PACRG: variants seen among roughly 807,000 people sequenced by gnomAD.
The protein encoded by PACRG is parkin coregulated gene protein.
PACRG carries 29 observed loss-of-function variants against 29.7 expected under a neutral mutation model. The ratio of observed to expected loss-of-function variants is 0.98; its 90% CI spans 0.73 to 1.33. PACRG has a LOEUF of 1.33. Among genes scored for constraint, PACRG ranks in the 40% most tolerant of loss-of-function variants. The pLI is 0.00. For missense variants in PACRG, 279 were observed against 316.2 expected (o/e 0.88, Z 0.89); for synonymous variants, 116 against 118.7 (o/e 0.98, Z 0.15).
chr6:162,734,785 T>C (rs1489771924), intron 1 of PACRG, among the ~76,000 whole-genome samples: 2 of 152,190 alleles, frequency 1.3e-5, no homozygotes, highest in Non-Finnish European at 2.9e-5. Flanking sequence ...CTCTCACATA[T>C]TGTAAGTGAA....
At chr6:162,985,437 G>A (rs1156930789) in intron 2 of PACRG, among the ~76,000 whole-genome samples, 1 of 151,916 alleles carries the variant, frequency 6.6e-6, no homozygotes, top group East Asian at 1.9e-4. Context: ...CCACATAAAC[G>A]GAATTAAAAA....
intron 4 of PACRG, chr6:163,313,764 C>T (rs2128194931): frequency 6.6e-6 from 1 of 152,372 alleles, no homozygotes; most frequent in South Asian, 2.1e-4. Flanking sequence ...CACCTGTGTA[C>T]TTTCCTTCCA....
At chr6:163,040,588 G>T (rs1167555583) in intron 2 of PACRG, among the ~76,000 whole-genome samples, 1 of 152,226 alleles carries the variant, frequency 6.6e-6, no homozygotes, top group Non-Finnish European at 1.5e-5. Flanking sequence ...AGTCACAGGG[G>T]TGGAGCTGCC....
chr6:162,956,227 A>C (rs1163821157), intron 2 of PACRG, among the ~76,000 whole-genome samples: 1 of 152,204 alleles, frequency 6.6e-6, no homozygotes, highest in African/African-American at 2.4e-5. Context: ...AGAAAGTCAG[A>C]AACCCCAGAG....
At chr6:162,951,407 T>C (rs1022258030) in intron 2 of PACRG, among the ~76,000 whole-genome samples, 5 of 152,220 alleles carry the variant, frequency 3.3e-5, no homozygotes, top group South Asian at 4.1e-4. Flanking sequence ...AAGGCTCTGA[T>C]TGATTGGCCT....
chr6:163,099,071 G>A (rs1298199804), intron 4 of PACRG, among the ~76,000 whole-genome samples: 1 of 152,178 alleles, frequency 6.6e-6, no homozygotes, highest in Admixed American at 6.5e-5. Context: ...TTCACTGTCT[G>A]GGGATGCAGC....
At chr6:163,109,411 A>G (rs1166614578) in intron 4 of PACRG, among the ~76,000 whole-genome samples, 1 of 152,192 alleles carries the variant, frequency 6.6e-6, no homozygotes, top group East Asian at 1.9e-4. Context: ...CAAAAATTAC[A>G]TCTGTTGTCT....
At chr6:163,089,813 T>A (rs1813930324) in intron 4 of PACRG, among the ~76,000 whole-genome samples, 1 of 152,260 alleles carries the variant, frequency 6.6e-6, no homozygotes, top group Non-Finnish European at 1.5e-5. Context: ...GATGAATTTT[T>A]AAGCACTATT....
rs115582218 is a variant in PACRG, at chr6:162,791,899, C to T, written c.157-22248C>T. Among the ~76,000 whole-genome samples, 925 of 152,234 alleles carry T rather than the reference C, an allele frequency of 6.1e-3. 14 individuals are homozygous for T. Among genetic ancestry groups the T allele is most frequent in the African/African-American group, 0.022 (898 of 41,538 alleles). On this transcript the variant is annotated intron_variant, in intron 1 of 4. Coordinates refer to ENST00000366888, the MANE Select transcript of PACRG (RefSeq NM_001080379.2). Reference sequence around the variant, plus strand: ...AGCGTACATCCTCTCCTGCAGGAGGCTCCTGTGTGATGTTTCACATGCTGA... The same window carrying T: ...AGCGTACATCCTCTCCTGCAGGAGGTTCCTGTGTGATGTTTCACATGCTGA...
intron 4 of PACRG, among the ~76,000 whole-genome samples, chr6:163,252,904 A>G (rs559487339): frequency 6.6e-6 from 1 of 152,324 alleles, no homozygotes; most frequent in South Asian, 2.1e-4. Context: ...CTGACTAAGA[A>G]TCATGTCCAG....
intron 4 of PACRG, among the ~76,000 whole-genome samples, chr6:163,282,797 T>C (rs546818180): frequency 1.3e-5 from 2 of 152,308 alleles, no homozygotes; most frequent in African/African-American, 2.4e-5. Flanking sequence ...GTGTGTACTT[T>C]TCTTCACTTT....
At chr6:162,939,685 G>C (rs573444252) in intron 2 of PACRG, among the ~76,000 whole-genome samples, 1 of 150,972 alleles carries the variant, frequency 6.6e-6, no homozygotes, top group South Asian at 2.1e-4. Flanking sequence ...ACGTGTGTGT[G>C]TGTGTGTGTG....
At chr6:163,193,777 T>A (rs565794430) in intron 4 of PACRG, among the ~76,000 whole-genome samples, 7 of 152,266 alleles carry the variant, frequency 4.6e-5, no homozygotes, top group African/African-American at 1.7e-4. Context: ...TAAAAGTAAT[T>A]CAAATAAAAA....
intron 2 of PACRG, among the ~76,000 whole-genome samples, chr6:163,021,736 C>A (rs769360090): frequency 6.6e-6 from 1 of 152,274 alleles, no homozygotes; most frequent in African/African-American, 2.4e-5. Context: ...TTCAGCTGTC[C>A]CGAATTCTGC....
intron 4 of PACRG, among the ~76,000 whole-genome samples, chr6:163,283,585 G>A (rs536600431): frequency 1.4e-4 from 21 of 151,726 alleles, no homozygotes; most frequent in African/African-American, 5.1e-4. Flanking sequence ...TGGATCATGA[G>A]GTCAGGAGAT....
At chr6:162,762,588 A>G (rs900094946) in intron 1 of PACRG, among the ~76,000 whole-genome samples, 7 of 152,240 alleles carry the variant, frequency 4.6e-5, no homozygotes, top group Non-Finnish European at 8.8e-5. Flanking sequence ...AAGGCTTTAG[A>G]AAACGATGTC....
intron 4 of PACRG, among the ~76,000 whole-genome samples, chr6:163,218,956 C>T (rs902561555): frequency 6.6e-6 from 1 of 152,228 alleles, no homozygotes; most frequent in East Asian, 1.9e-4. Context: ...TATCCTCCAA[C>T]GCACAGGACA....
chr6:163,204,331 C>A (rs1780816205), intron 4 of PACRG, among the ~76,000 whole-genome samples: 1 of 152,120 alleles, frequency 6.6e-6, no homozygotes, highest in Admixed American at 6.5e-5. Context: ...AATTTGAATC[C>A]ACCTTTATGT....
At chr6:163,252,630 T>A (rs534693356) in intron 4 of PACRG, among the ~76,000 whole-genome samples, 1 of 152,350 alleles carries the variant, frequency 6.6e-6, no homozygotes, top group Admixed American at 6.5e-5. Context: ...GATTGTGAAC[T>A]AGATGCTCCA....
Sources: allele counts gnomAD v4.1 joint callset (sites outside exome capture counted in the v4.1 genomes callset), GRCh38; gene constraint gnomAD v4.1.1; transcripts MANE v1.5; gene names NCBI Gene and HGNC (gene_info 2026-07-23, HGNC 2026-07-21).